TRIB2: variants seen among roughly 807,000 people sequenced by gnomAD.
TRIB2 encodes the protein tribbles pseudokinase 2.
TRIB2 carries 2 observed loss-of-function variants against 26.8 expected under a neutral mutation model. The ratio of observed to expected loss-of-function variants is 0.07; its 90% confidence interval spans 0.03 to 0.24. The LOEUF (loss-of-function observed/expected upper bound fraction) is 0.24, where lower values mean the gene tolerates loss of function less well. Ranked by LOEUF, TRIB2 falls within the 10% of genes least tolerant of loss-of-function variation. The pLI, the probability that TRIB2 is intolerant of heterozygous loss-of-function variation, is 1.00. For synonymous variants in TRIB2, 189 were observed against 187.3 expected (o/e 1.01, Z -0.08); for missense variants, 306 against 449.0 (o/e 0.68, Z 2.88).
chr2:12,725,302 C>T (rs1661314071), intron 2 of TRIB2, among the ~76,000 whole-genome samples: 1 of 152,198 alleles, frequency 6.6e-6, no homozygotes, highest in South Asian at 2.1e-4. Context: ...CATGTTTGTG[C>T]AAATGAGTAG....
chr2:12,720,184 A>T (rs1157453650), intron 1 of TRIB2, among the ~76,000 whole-genome samples: 1 of 152,160 alleles, frequency 6.6e-6, no homozygotes, highest in Non-Finnish European at 1.5e-5. Flanking sequence ...ATCAGAGGTG[A>T]CTCTGGCCTC....
rs1343369911 is a variant in TRIB2, at chr2:12,741,277, A to C, written c.*483A>C. ...GGTAATTAATGAGGTTCACTTAAAA[A>C]AAAAATTCGGTGCACACAGACTGAC... On this transcript the variant is annotated 3_prime_UTR_variant, in exon 3 of 3. Transcript: ENST00000155926. 2 of 157,384 alleles carry C rather than the reference A, an allele frequency of 1.3e-5. No individual in the cohort carries two copies. Among genetic ancestry groups the C allele is most frequent in the East Asian group, 3.8e-4 (2 of 5,276 alleles). The allele number at this position is 157,384 out of a possible 1,614,324, so 9.7% of individuals were successfully genotyped here.
rs1157643394 is a variant in TRIB2 at position 12,723,088 on chromosome 2, AC to A, written c.271-171del. Among the ~76,000 whole-genome samples, 9 of 152,254 alleles carry A rather than the reference AC, an allele frequency of 5.9e-5. No individual in the cohort carries two copies. In the East Asian group the frequency reaches 1.7e-3, roughly 29 times the overall value. ...TTTGGAGGCTCCGAGAGGTTAAGTG[AC>A]TTGTTTAGTGCCACACAGCTGGTAG... On this transcript the variant is annotated intron_variant, in intron 1 of 2. Transcript: ENST00000155926.
At chr2:12,719,329 G>C (rs911140780) in intron 1 of TRIB2, among the ~76,000 whole-genome samples, 4 of 152,174 alleles carry the variant, frequency 2.6e-5, no homozygotes, top group Admixed American at 2.6e-4. Context: ...TGGAGCCCTA[G>C]GGATCCGCAG....
Position 12,718,712 on chromosome 2 carries a change from T to G in TRIB2, c.270+135T>G. On this transcript the variant is annotated intron_variant, in intron 1 of 2. Coordinates refer to ENST00000155926, the MANE Select transcript of TRIB2 (RefSeq NM_021643.4). This position sits in a 1 kb window ranked among gnomAD's most constrained non-coding sequence, Gnocchi z 4.0. ...CTTATTAAATGGGTTTATTTATTTATTTGCTCAGGTTCGGTAAGTTGCGAA... is the reference window on the plus strand; with the variant it reads ...CTTATTAAATGGGTTTATTTATTTAGTTGCTCAGGTTCGGTAAGTTGCGAA... 1.6e-6 allele frequency: 2 copies of G among 1,256,310 alleles called. No individual in the cohort carries two copies. The highest frequency in any genetic ancestry group is 2.2e-6 in the Non-Finnish European group (2 of 927,634). 77.8% of individuals were successfully genotyped at this position (1,256,310 alleles called of 1,614,324 possible).
Position 12,740,150 on chromosome 2 carries a change from G to C in TRIB2, c.564-176G>C, listed in dbSNP as rs1661681591. ...TGTGGGTGTCCTCAGCCCTGGAATAGTAGCTGGCAGCTAGAAGGTGCTCAG... is the reference window on the plus strand; with the variant it reads ...TGTGGGTGTCCTCAGCCCTGGAATACTAGCTGGCAGCTAGAAGGTGCTCAG... On this transcript the variant is annotated intron_variant, in intron 2 of 2. Coordinates refer to ENST00000155926, the MANE Select transcript of TRIB2 (RefSeq NM_021643.4). This position sits in a 1 kb window ranked among gnomAD's most constrained non-coding sequence, Gnocchi z 5.8. Among the ~76,000 whole-genome samples, 1 of 152,238 alleles carries C rather than the reference G, an allele frequency of 6.6e-6. No homozygotes were observed.
chr2:12,742,206 A>G lies in TRIB2; in HGVS notation c.*1412A>G, dbSNP rs1177277270. The G allele has an allele frequency of 3.3e-5, 5 of 152,678 alleles. No individual in the cohort carries two copies. The highest frequency in any genetic ancestry group is 7.3e-5 in the Non-Finnish European group (5 of 68,050). 9.5% of individuals were successfully genotyped at this position (152,678 alleles called of 1,614,324 possible). On this transcript the variant is annotated 3_prime_UTR_variant, in exon 3 of 3. Coordinates refer to ENST00000155926, the MANE Select transcript of TRIB2 (RefSeq NM_021643.4). ...CGGCTTTTCTATTGCTGTATGATAC[A>G]GAACTCTTTTGGCATAAATATTTGT...
At position 12,717,214 on chromosome 2, in the gene TRIB2, G is replaced by A; in HGVS notation, c.-1094G>A. 1 of 396,478 alleles carries A rather than the reference G, an allele frequency of 2.5e-6. No homozygotes were observed. The allele number at this position is 396,478 out of a possible 1,614,324, so 24.6% of individuals were successfully genotyped here. ...AAACCCCACCGGGCAATTTGGTCTC[G>A]GGGTAGGGGGAGACGGGGTGATTGC... On this transcript the variant is annotated 5_prime_UTR_variant, in exon 1 of 3. Transcript: ENST00000155926. This position sits in a 1 kb window ranked among gnomAD's most constrained non-coding sequence, Gnocchi z 4.8.
At position 12,742,325 on chromosome 2, in the gene TRIB2, G is replaced by A. The variant is rs1661726810; in HGVS notation, c.*1531G>A. The A allele has an allele frequency of 6.6e-6, 1 of 152,646 alleles. No homozygotes were observed. Among genetic ancestry groups the A allele is most frequent in the Non-Finnish European group, 1.5e-5 (1 of 68,042 alleles). The allele number at this position is 152,646 out of a possible 1,614,324, so 9.5% of individuals were successfully genotyped here. On this transcript the variant is annotated 3_prime_UTR_variant, in exon 3 of 3. Transcript: ENST00000155926. ...GTAGGTGACACGTGGACTCTAGTATGTAAATGTTACTTGAATCTGTGCTTC... is the reference window on the plus strand; with the variant it reads ...GTAGGTGACACGTGGACTCTAGTATATAAATGTTACTTGAATCTGTGCTTC...
In TRIB2 at chr2:12,740,370, G is replaced by A. The variant is rs748091689; in HGVS notation, c.608G>A (p.Arg203Gln). The change falls in exon 3 of 3, where the codon CGG becomes CAG. Residue 203 changes from arginine (R) to glutamine (Q), a missense_variant. Arg to Gln is a conservative substitution (Grantham distance 43). Coordinates refer to ENST00000155926, the MANE Select transcript of TRIB2 (RefSeq NM_021643.4). This position sits in a 1 kb window ranked among gnomAD's most constrained non-coding sequence, Gnocchi z 5.8. ...AGCCTGGAAGACGCCTACATTCTGC[G>A]GGGAGATGATGATTCCCTCTCCGAC... ...LESLEDAYIL[R>Q]GDDDSLSDKH... 30 of 1,614,022 alleles carry A rather than the reference G, an allele frequency of 1.9e-5. No homozygotes were observed. Among genetic ancestry groups the A allele is most frequent in the South Asian group, 1.6e-4 (15 of 91,090 alleles).
intron 2 of TRIB2, among the ~76,000 whole-genome samples, chr2:12,739,518 C>T (rs1661663407): frequency 6.6e-6 from 1 of 152,166 alleles, no homozygotes; most frequent in African/African-American, 2.4e-5. Flanking sequence ...GTTGGGATTA[C>T]AGGTTTGAGA....
chr2:12,724,953 T>C, intron 2 of TRIB2: 2 of 1,346,328 alleles, frequency 1.5e-6, no homozygotes, highest in Non-Finnish European at 2.0e-6. Flanking sequence ...AGAGGTCATA[T>C]TTGTTTACCT....
In TRIB2 at chr2:12,723,250, C is replaced by T; in HGVS notation, c.271-10C>T. 2.5e-6 allele frequency: 4 copies of T among 1,607,914 alleles called. No individual in the cohort carries two copies. Among genetic ancestry groups the T allele is most frequent in the Non-Finnish European group, 3.4e-6 (4 of 1,177,930 alleles). ...CTCTGACTTTGGTCTTACTGTTAAT[C>T]CTGTCGTAGGTGTTTGATATCAGCT... On this transcript the variant is annotated splice_polypyrimidine_tract_variant and intron_variant, in intron 1 of 2. Coordinates refer to ENST00000155926, the MANE Select transcript of TRIB2 (RefSeq NM_021643.4).
intron 2 of TRIB2, among the ~76,000 whole-genome samples, chr2:12,739,508 G>A (rs1227017116): frequency 8.0e-6 from 1 of 125,328 alleles, no homozygotes; most frequent in Non-Finnish European, 1.8e-5. Context: ...CTCCCAAAGT[G>A]TTGGGATTAC....
chr2:12,721,971 C>T (rs1661230586), intron 1 of TRIB2, among the ~76,000 whole-genome samples: 1 of 152,176 alleles, frequency 6.6e-6, no homozygotes, highest in South Asian at 2.1e-4. Flanking sequence ...GGGAACAGAG[C>T]TTTTATCAGA....
At position 12,740,209 on chromosome 2, in the gene TRIB2, A is replaced by C; in HGVS notation, c.564-117A>C. 1 of 994,194 alleles carries C rather than the reference A, an allele frequency of 1.0e-6. No homozygotes were observed. The highest frequency in any genetic ancestry group is 1.5e-6 in the Non-Finnish European group (1 of 667,028). 61.6% of individuals were successfully genotyped at this position (994,194 alleles called of 1,614,324 possible). ...GTTTGGCTGGTCAGATGAATGCGTG[A>C]ATGAATGAATGTGAATGAGGAGTCT... On this transcript the variant is annotated intron_variant, in intron 2 of 2. Transcript: ENST00000155926. The surrounding 1 kb of genome is among the most constrained non-coding windows in gnomAD (Gnocchi z 5.8).
Position 12,717,391 on chromosome 2 carries a change from C to T in TRIB2, c.-917C>T, listed in dbSNP as rs1401833473. On this transcript the variant is annotated 5_prime_UTR_variant, in exon 1 of 3. Coordinates refer to ENST00000155926, the MANE Select transcript of TRIB2 (RefSeq NM_021643.4). This position sits in a 1 kb window ranked among gnomAD's most constrained non-coding sequence, Gnocchi z 4.8. Reference sequence around the variant, plus strand: ...AAATCGGAGACCGCCGATCTGTCCTCGTTCTCTCCTGCACGTCTGGCTGCA... The same window carrying T: ...AAATCGGAGACCGCCGATCTGTCCTTGTTCTCTCCTGCACGTCTGGCTGCA... 3 of 398,438 alleles carry T rather than the reference C, an allele frequency of 7.5e-6. No individual in the cohort carries two copies. Among genetic ancestry groups the T allele is most frequent in the African/African-American group, 2.1e-5 (1 of 48,624 alleles). 24.7% of individuals were successfully genotyped at this position (398,438 alleles called of 1,614,324 possible).
chr2:12,738,606 A>G (rs1045712045), intron 2 of TRIB2, among the ~76,000 whole-genome samples: 1 of 152,158 alleles, frequency 6.6e-6, no homozygotes, highest in African/African-American at 2.4e-5. Context: ...GAGTCAGAGG[A>G]AGATTTCAAT....
At chr2:12,731,120 TA>T (rs1474981743) in intron 2 of TRIB2, among the ~76,000 whole-genome samples, 2 of 152,238 alleles carry the variant, frequency 1.3e-5, no homozygotes, top group Non-Finnish European at 2.9e-5. Context: ...AATAGTTATT[TA>T]GCTGTAAGCA....
Sources: gnomAD v4.1 joint callset for allele counts (sites outside exome capture counted in the v4.1 genomes callset) on GRCh38, gnomAD v4.1.1 for gene constraint, Gnocchi (gnomAD v3.1) non-coding constraint, MANE v1.5 for transcripts, NCBI Gene and HGNC (gene_info 2026-07-23, HGNC 2026-07-21) for gene names.